CARMIL1: variants seen among roughly 807,000 people sequenced by gnomAD.
CARMIL1 encodes the protein F-actin-uncapping protein LRRC16A.
A neutral mutation model predicts 177.1 loss-of-function variants in CARMIL1; 90 were observed. The observed-to-expected ratio is 0.51, with a 90% CI of 0.43 to 0.61. The LOEUF is 0.61. Ranked by LOEUF, CARMIL1 falls within the 20% of genes least tolerant of loss-of-function variation. CARMIL1 has a pLI of 0.00. For missense variants in CARMIL1, 1,380 were observed against 1,667.0 expected (o/e 0.83, Z 3.00); for synonymous variants, 577 against 606.2 (o/e 0.95, Z 0.71).
intron 2 of CARMIL1, among the ~76,000 whole-genome samples, chr6:25,341,068 AGGCAGT>A: frequency 6.6e-6 from 1 of 152,158 alleles, no homozygotes; most frequent in African/African-American, 2.4e-5. Flanking sequence ...ACTGTGTGTC[AGGCAGT>A]GTTCTAAGCA....
chr6:25,531,832 G>A (rs1051652624), intron 24 of CARMIL1, among the ~76,000 whole-genome samples: 4 of 152,048 alleles, frequency 2.6e-5, no homozygotes, highest in East Asian at 1.9e-4. Flanking sequence ...GTGCAGTGGC[G>A]CAATCTCGGC....
chr6:25,329,710 A>T (rs1288928338), intron 2 of CARMIL1, among the ~76,000 whole-genome samples: 6 of 152,194 alleles, frequency 3.9e-5, no homozygotes, highest in Admixed American at 1.3e-4. Context: ...CTAAATGCAG[A>T]TTTCTTCTTG....
chr6:25,564,453 C>T (rs1319946107), intron 29 of CARMIL1, among the ~76,000 whole-genome samples: 1 of 152,176 alleles, frequency 6.6e-6, no homozygotes, highest in Non-Finnish European at 1.5e-5. Context: ...TAATAAATAT[C>T]CCTATGAAAT....
chr6:25,406,480 A>T (rs1287290986), intron 2 of CARMIL1, among the ~76,000 whole-genome samples: 2 of 151,764 alleles, frequency 1.3e-5, no homozygotes, highest in African/African-American at 2.4e-5. Flanking sequence ...TTCAGATCCT[A>T]TATGAGCAGG....
intron 8 of CARMIL1, among the ~76,000 whole-genome samples, chr6:25,460,228 C>A (rs752128391): frequency 6.6e-5 from 10 of 152,180 alleles, no homozygotes; most frequent in Non-Finnish European, 1.2e-4. Flanking sequence ...AATATTTATT[C>A]ATGATCTGCT....
chr6:25,617,203 A>G (rs1320093847), intron 36 of CARMIL1, among the ~76,000 whole-genome samples: 16 of 152,312 alleles, frequency 1.1e-4, no homozygotes, highest in Admixed American at 3.3e-4. Context: ...CTGAAGGACA[A>G]CCTACTTTTT....
At position 25,332,769 on chromosome 6, in the gene CARMIL1, A is replaced by ACG. The variant is rs1554165937; in HGVS notation, c.138+47861_138+47862insGC. Among the ~76,000 whole-genome samples the ACG allele has an allele frequency of 1.2e-3, 166 of 137,952 alleles. 1 individual carries two copies. The highest frequency in any genetic ancestry group is 7.4e-3 in the Middle Eastern group (2 of 272). 90.5% of individuals were successfully genotyped at this position (137,952 alleles called of 152,430 possible). On this transcript the variant is annotated intron_variant, in intron 2 of 36. Coordinates refer to ENST00000329474, the MANE Select transcript of CARMIL1 (RefSeq NM_017640.6). Reference sequence around the variant, plus strand: ...CACACACACACACACACACACACACACACGCGCACACACACACACACACTT... The same window carrying ACG: ...CACACACACACACACACACACACACACGCACGCGCACACACACACACACACTT...
intron 36 of CARMIL1, among the ~76,000 whole-genome samples, chr6:25,617,316 T>G (rs1997672): frequency 0.28 from 43,065 of 152,076 alleles, 6,157 homozygotes; most frequent in Non-Finnish European, 0.3. Context: ...GACATAAACA[T>G]TTTTGGTTTC....
At chr6:25,591,550 A>AT (rs1386466722) in intron 31 of CARMIL1, among the ~76,000 whole-genome samples, 4 of 152,146 alleles carry the variant, frequency 2.6e-5, no homozygotes, top group African/African-American at 9.7e-5. Context: ...AGCAAATGGG[A>AT]TTTTGAGAAC....
intron 2 of CARMIL1, among the ~76,000 whole-genome samples, chr6:25,318,061 T>C (rs1424659382): frequency 6.6e-6 from 1 of 152,186 alleles, no homozygotes; most frequent in African/African-American, 2.4e-5. Context: ...GCATCAGCCA[T>C]ATGCAGGACT....
intron 26 of CARMIL1, among the ~76,000 whole-genome samples, chr6:25,547,156 A>T (rs892094027): frequency 1.3e-5 from 2 of 152,196 alleles, no homozygotes; most frequent in African/African-American, 4.8e-5. Context: ...GAGAAAGTTT[A>T]TTGAGAGACT....
intron 2 of CARMIL1, among the ~76,000 whole-genome samples, chr6:25,408,913 G>C (rs1794654047): frequency 6.6e-6 from 1 of 151,984 alleles, no homozygotes; most frequent in Non-Finnish European, 1.5e-5. Flanking sequence ...CACAGTACTT[G>C]TAGGCTTTTT....
At chr6:25,491,372 T>C (rs556151992) in intron 13 of CARMIL1, among the ~76,000 whole-genome samples, 125 of 152,288 alleles carry the variant, frequency 8.2e-4, no homozygotes, top group African/African-American at 3.0e-3. Context: ...AGCATTTTGA[T>C]AGAGTGATTG....
rs747772837 is a variant in CARMIL1, at chr6:25,279,825, G to A, written c.30G>A (p.Arg10=). ...CCGAGGAGAGCTCTGACGTTCCCAG[G>A]GAGTTGATAGGTAAGATTCACGCGG... The part of the protein sequence containing the change: MTEESSDVP[R]ELIESIKDVI... The change falls in exon 1 of 37, where the codon AGG becomes AGA. Residue 10 remains arginine (R), a synonymous_variant. Coordinates refer to ENST00000329474, the MANE Select transcript of CARMIL1 (RefSeq NM_017640.6). 5 of 1,613,978 alleles carry A rather than the reference G, an allele frequency of 3.1e-6. No individual in the cohort carries two copies. The South Asian group carries it at 5.5e-5, about 18-fold the overall frequency.
At chr6:25,563,530 T>G in intron 29 of CARMIL1, 4 of 985,446 alleles carry the variant, frequency 4.1e-6, no homozygotes, top group Non-Finnish European at 4.8e-6. Flanking sequence ...GGCTGCTGGC[T>G]CTCAACAGAG....
At chr6:25,423,346 A>G (rs1214132918) in intron 3 of CARMIL1, among the ~76,000 whole-genome samples, 1 of 152,232 alleles carries the variant, frequency 6.6e-6, no homozygotes. Context: ...GAACTGTGCC[A>G]TCACCCCAGA....
In CARMIL1 at chr6:25,510,553, C is replaced by A. The variant is rs753272940; in HGVS notation, c.1524C>A (p.Asn508Lys). 2.6e-6 allele frequency: 4 copies of A among 1,558,284 alleles called. No individual in the cohort carries two copies. The highest frequency in any genetic ancestry group is 3.5e-6 in the Non-Finnish European group (4 of 1,149,902). ...LSTLIVWLSKNRSIQHLALGK... is the reference protein window; with the variant it reads ...LSTLIVWLSKKRSIQHLALGK... ...CCTTAATAGTGTGGCTCAGTAAAAA[C>A]AGATCAATACAACACCTGGCGTTAG... The change falls in exon 19 of 37, where the codon AAC becomes AAA. Residue 508 changes from asparagine to lysine, a missense_variant. Transcript: ENST00000329474.
chr6:25,440,327 G>A (rs1361334587), intron 5 of CARMIL1, among the ~76,000 whole-genome samples: 1 of 152,218 alleles, frequency 6.6e-6, no homozygotes, highest in Non-Finnish European at 1.5e-5. Context: ...AGAGGAGAGA[G>A]TAGTGAAAGG....
In CARMIL1 at chr6:25,488,541, C is replaced by T; in HGVS notation, c.1021C>T (p.His341Tyr). The change falls in exon 13 of 37, where the codon CAC (histidine) becomes TAC (tyrosine). Residue 341 changes from histidine (H) to tyrosine (Y), a missense_variant. His to Tyr is a moderately conservative substitution (Grantham distance 83). Transcript: ENST00000329474. Reference protein sequence around the residue: ...ANPLTASTLVHLDLSGNVLRG... With the variant: ...ANPLTASTLVYLDLSGNVLRG... ...TCCATTGACCGCCTCTACCCTTGTC[C>T]ACCTCGACCTCTCAGGGAACGTCCT... 6.2e-7 allele frequency: 1 copy of T among 1,614,020 alleles called. No individual in the cohort carries two copies.
Sources: allele counts gnomAD v4.1 joint callset (sites outside exome capture counted in the v4.1 genomes callset), GRCh38; gene constraint gnomAD v4.1.1; transcripts MANE v1.5; gene names NCBI Gene and HGNC (gene_info 2026-07-23, HGNC 2026-07-21).